The following LRRC4C variants were observed in gnomAD, a reference collection of about 807,000 sequenced individuals.
LRRC4C encodes leucine rich repeat containing 4C.
LRRC4C carries 5 observed loss-of-function variants against 33.6 expected under a neutral mutation model. The ratio of observed to expected loss-of-function variants is 0.15; its 90% CI spans 0.08 to 0.31. LRRC4C has a LOEUF of 0.31. LRRC4C is among the 10% of genes least tolerant of loss of function. The probability of loss-of-function intolerance (pLI) is 1.00; values close to 1 mark genes in which losing one functional copy is unlikely to be tolerated. For synonymous variants in LRRC4C, 329 were observed against 302.0 expected (o/e 1.09, Z -0.93); for missense variants, 560 against 796.7 (o/e 0.70, Z 3.58).
chr11:40,489,727 C>T (rs76887128), intron 3 of LRRC4C, among the ~76,000 whole-genome samples: 3,957 of 152,124 alleles, frequency 0.026, 176 homozygotes, highest in African/African-American at 0.09. Flanking sequence ...TTTTTCACTT[C>T]CAGCTATGAG....
intron 3 of LRRC4C, among the ~76,000 whole-genome samples, chr11:40,513,755 G>T (rs1955440806): frequency 6.6e-6 from 1 of 152,122 alleles, no homozygotes; most frequent in South Asian, 2.1e-4. Flanking sequence ...TCTTAGCATT[G>T]CTGGGTTCAT....
chr11:40,472,140 C>A (rs1179524795), intron 3 of LRRC4C, among the ~76,000 whole-genome samples: 1 of 151,722 alleles, frequency 6.6e-6, no homozygotes, highest in Non-Finnish European at 1.5e-5. Flanking sequence ...ATTAGCTGGT[C>A]GTGGTTGCGC....
At chr11:40,217,060 G>A (rs1042999823) in intron 5 of LRRC4C, among the ~76,000 whole-genome samples, 8 of 152,126 alleles carry the variant, frequency 5.3e-5, no homozygotes, top group African/African-American at 1.7e-4. Flanking sequence ...GAGTGATGTG[G>A]TTGGAAAGGG....
At chr11:40,984,374 AG>A (rs1226324118) in intron 1 of LRRC4C, among the ~76,000 whole-genome samples, 2 of 77,510 alleles carry the variant, frequency 2.6e-5, no homozygotes, top group African/African-American at 9.6e-5. Context: ...AAAGAAAGAA[AG>A]AAAGAAAGAA....
rs777865418 is a variant in LRRC4C at position 40,555,527 on chromosome 11, C to T, written c.-270+92615G>A. On this transcript the variant is annotated intron_variant, in intron 3 of 6. Transcript: ENST00000528697. ...TTTCTTGCTCTCACTCAGATGCAGA[C>T]TCTCTGAGAAAGAATCAAAGAACAT... 5.3e-5 allele frequency among the ~76,000 whole-genome samples: 8 copies of T among 152,320 alleles called. No individual in the cohort carries two copies. In the South Asian group the frequency reaches 1.4e-3, roughly 28 times the overall value.
chr11:40,280,513 T>C (rs1943402231), intron 4 of LRRC4C, among the ~76,000 whole-genome samples: 1 of 152,096 alleles, frequency 6.6e-6, no homozygotes, highest in Admixed American at 6.6e-5. Context: ...CTTACTATCC[T>C]CTCACTCATC....
chr11:41,429,414 G>A (rs1039085084), intron 1 of LRRC4C, among the ~76,000 whole-genome samples: 1 of 152,148 alleles, frequency 6.6e-6, no homozygotes, highest in African/African-American at 2.4e-5. Flanking sequence ...CTTTTCATGG[G>A]ATTGAGTAGT....
chr11:41,414,104 T>A (rs959024758), intron 1 of LRRC4C, among the ~76,000 whole-genome samples: 6 of 152,184 alleles, frequency 3.9e-5, no homozygotes, highest in African/African-American at 1.2e-4. Context: ...AAAAGCAGCC[T>A]GAGGTTGTTG....
At chr11:40,505,799 C>G (rs754253970) in intron 3 of LRRC4C, among the ~76,000 whole-genome samples, 1 of 152,116 alleles carries the variant, frequency 6.6e-6, no homozygotes, top group Non-Finnish European at 1.5e-5. Flanking sequence ...AATAATACCT[C>G]TCTTCAAAGA....
rs573584536 is a variant in LRRC4C at position 40,800,070 on chromosome 11, T to C, written c.-407+133565A>G. 7.9e-5 allele frequency among the ~76,000 whole-genome samples: 12 copies of C among 152,274 alleles called. No individual in the cohort carries two copies. The South Asian group carries it at 2.5e-3, about 32-fold the overall frequency. ...CAATGTTTTAGTACAGATATTGAAG[T>C]CAGAATTGGACTAGTTATCTAATCC... is the stretch of plus-strand genomic sequence containing the variant. On this transcript the variant is annotated intron_variant, in intron 2 of 6. Transcript: ENST00000528697.
chr11:41,192,216 T>A (rs1202052510), intron 1 of LRRC4C, among the ~76,000 whole-genome samples: 1 of 152,116 alleles, frequency 6.6e-6, no homozygotes. Context: ...TATTGGTTCA[T>A]TAAGGTCTTC....
At chr11:40,950,365 C>G (rs16935171) in intron 1 of LRRC4C, among the ~76,000 whole-genome samples, 13,451 of 152,100 alleles carry the variant, frequency 0.088, 640 homozygotes, top group Non-Finnish European at 0.098. Flanking sequence ...TTAGAAAACC[C>G]TTACTTTTCC....
chr11:40,630,360 T>C (rs11035975), intron 3 of LRRC4C, among the ~76,000 whole-genome samples: 5 of 45,818 alleles, frequency 1.1e-4, no homozygotes, highest in Non-Finnish European at 2.5e-4. Context: ...CTTCTTCTTC[T>C]TCTTCTTCTT....
intron 4 of LRRC4C, among the ~76,000 whole-genome samples, chr11:40,268,675 T>A (rs1420161252): frequency 6.6e-6 from 1 of 151,764 alleles, no homozygotes; most frequent in African/African-American, 2.4e-5. Flanking sequence ...GCAAAAAAAA[T>A]AAAAGATTAA....
intron 3 of LRRC4C, among the ~76,000 whole-genome samples, chr11:40,505,394 T>G (rs1386248810): frequency 6.6e-6 from 1 of 152,142 alleles, no homozygotes; most frequent in African/African-American, 2.4e-5. Flanking sequence ...CAACAATAGA[T>G]TTACTGCCCT....
At chr11:41,213,441 A>G (rs1946906279) in intron 1 of LRRC4C, among the ~76,000 whole-genome samples, 1 of 152,210 alleles carries the variant, frequency 6.6e-6, no homozygotes, top group Admixed American at 6.5e-5. Context: ...AAAAAGTGTT[A>G]GCAAACTCGT....
intron 5 of LRRC4C, among the ~76,000 whole-genome samples, chr11:40,217,605 C>A (rs1469701477): frequency 6.6e-6 from 1 of 152,054 alleles, no homozygotes; most frequent in Admixed American, 6.6e-5. Context: ...ATTTACAATG[C>A]ATAGTATGTA....
At chr11:40,491,177 C>T (rs1300116665) in intron 3 of LRRC4C, among the ~76,000 whole-genome samples, 3 of 151,890 alleles carry the variant, frequency 2.0e-5, no homozygotes, top group Admixed American at 6.6e-5. Context: ...CCCAGGTACT[C>T]GGGAGGCTGA....
intron 2 of LRRC4C, among the ~76,000 whole-genome samples, chr11:40,762,016 AT>A (rs1196073740): frequency 6.6e-6 from 1 of 152,186 alleles, no homozygotes; most frequent in African/African-American, 2.4e-5. Context: ...CAGTGATTAA[AT>A]TAATGGTGGT....
Sources: allele counts gnomAD v4.1 joint callset (sites outside exome capture counted in the v4.1 genomes callset), GRCh38; gene constraint gnomAD v4.1.1; transcripts MANE v1.5; gene names NCBI Gene and HGNC (gene_info 2026-07-23, HGNC 2026-07-21).